PTPRM: variants seen among roughly 807,000 people sequenced by gnomAD.
The protein encoded by PTPRM is protein tyrosine phosphatase receptor type M, also known as receptor-type tyrosine-protein phosphatase mu.
Under a neutral mutation model 186.7 loss-of-function variants are expected in PTPRM, and 47 were observed. That is an observed-to-expected ratio of 0.25 (90% confidence interval 0.20 to 0.32). The LOEUF (loss-of-function observed/expected upper bound fraction) is 0.32. Among genes scored for constraint, PTPRM ranks in the 10% least tolerant of loss-of-function variants. PTPRM has a pLI of 1.00. For missense variants in PTPRM, 1,494 were observed against 1,865.0 expected (o/e 0.80, Z 3.66); for synonymous variants, 668 against 674.9 (o/e 0.99, Z 0.16).
intron 2 of PTPRM, among the ~76,000 whole-genome samples, chr18:7,862,728 A>G (rs1052296274): frequency 1.3e-5 from 2 of 152,224 alleles, no homozygotes; most frequent in African/African-American, 4.8e-5. Flanking sequence ...GCAGTTGCTC[A>G]ATAAATGTAA....
At chr18:7,607,474 C>T (rs2037561773) in intron 1 of PTPRM, among the ~76,000 whole-genome samples, 2 of 152,122 alleles carry the variant, frequency 1.3e-5, no homozygotes, top group African/African-American at 2.4e-5. Context: ...CTGGAGCTTG[C>T]ACTCGGGAGC....
rs928123448 is a variant in PTPRM at position 7,832,886 on chromosome 18, C to T, written c.197-55220C>T. 5.3e-5 allele frequency among the ~76,000 whole-genome samples: 8 copies of T among 152,150 alleles called. No individual in the cohort carries two copies. The East Asian group carries it at 1.5e-3, about 29-fold the overall frequency. Reference sequence around the variant, plus strand: ...TTTATTGAAGAGATTGTCTTTTACCCATTATATGTTCTTGGCACCTTTGTC... The same window carrying T: ...TTTATTGAAGAGATTGTCTTTTACCTATTATATGTTCTTGGCACCTTTGTC... On this transcript the variant is annotated intron_variant, in intron 2 of 32. Transcript: ENST00000580170.
chr18:8,214,235 C>T (rs372698157), intron 14 of PTPRM, among the ~76,000 whole-genome samples: 3 of 152,142 alleles, frequency 2.0e-5, no homozygotes, highest in African/African-American at 7.2e-5. Flanking sequence ...CCACTTGTTC[C>T]CCTAAAGCTA....
chr18:7,755,340 G>A (rs1159479777), intron 1 of PTPRM: 1 of 152,200 alleles, frequency 6.6e-6, no homozygotes, highest in East Asian at 1.9e-4. Flanking sequence ...CCAGGAGTTG[G>A]ATACTGTGAT....
intron 7 of PTPRM, among the ~76,000 whole-genome samples, chr18:8,037,883 C>G (rs956287993): frequency 6.6e-6 from 1 of 152,098 alleles, no homozygotes; most frequent in Non-Finnish European, 1.5e-5. Flanking sequence ...ATGTTAGCTC[C>G]TGATCAGTGA....
Position 7,926,657 on chromosome 18 carries a change from G to T in PTPRM, c.637G>T (p.Val213Leu), listed in dbSNP as rs762508034. The change falls in exon 5 of 33, where the codon GTG becomes TTG. Residue 213 changes from valine (V) to leucine (L), a missense_variant. This residue lies in a region of PTPRM where 296 missense variants were observed against 345.5 expected (regional missense o/e 0.86). Transcript: ENST00000580170. Reference protein sequence around the residue: ...TFQCSAIGRTVAGDRLWLQGI... With the variant: ...TFQCSAIGRTLAGDRLWLQGI... ...CCAGTGCAGTGCCATCGGCAGGACC[G>T]TGGCAGGAGACAGGCTCTGGTTACA... is the stretch of plus-strand genomic sequence containing the variant. The T allele has an allele frequency of 5.6e-6, 9 of 1,612,626 alleles. No individual in the cohort carries two copies. The highest frequency in any genetic ancestry group is 5.3e-5 in the African/African-American group (4 of 74,854).
intron 7 of PTPRM, among the ~76,000 whole-genome samples, chr18:7,958,714 C>T (rs2053477390): frequency 1.3e-5 from 2 of 152,102 alleles, no homozygotes; most frequent in Non-Finnish European, 2.9e-5. Context: ...TCATCCTTGT[C>T]TAAATACTCC....
intron 1 of PTPRM, among the ~76,000 whole-genome samples, chr18:7,772,207 T>A (rs919849463): frequency 6.6e-6 from 1 of 151,882 alleles, no homozygotes; most frequent in South Asian, 2.1e-4. Flanking sequence ...ACAGCTCTTT[T>A]CAAATAATCA....
chr18:8,254,287 T>C (rs1473915825), intron 19 of PTPRM, among the ~76,000 whole-genome samples: 1 of 152,224 alleles, frequency 6.6e-6, no homozygotes, highest in Middle Eastern at 3.2e-3. Context: ...TTTCACACCC[T>C]GTGCCATTAG....
chr18:7,607,379 G>T (rs2143812246), intron 1 of PTPRM, among the ~76,000 whole-genome samples: 1 of 152,084 alleles, frequency 6.6e-6, no homozygotes, highest in East Asian at 1.9e-4. Flanking sequence ...GATGTGCTGG[G>T]GTGTGCCGAG....
At chr18:8,237,354 A>T (rs1444303622) in intron 14 of PTPRM, among the ~76,000 whole-genome samples, 2 of 148,508 alleles carry the variant, frequency 1.3e-5, no homozygotes, top group Non-Finnish European at 3.0e-5. Context: ...CAAGTTTCTG[A>T]TCTATCATTT....
At chr18:7,934,989 C>T (rs1307421265) in intron 5 of PTPRM, among the ~76,000 whole-genome samples, 1 of 151,960 alleles carries the variant, frequency 6.6e-6, no homozygotes, top group African/African-American at 2.4e-5. Context: ...TGGATATATG[C>T]TTTTGGTCAA....
At chr18:8,210,728 AAAC>A (rs1288622031) in intron 14 of PTPRM, among the ~76,000 whole-genome samples, 2 of 152,328 alleles carry the variant, frequency 1.3e-5, no homozygotes, top group East Asian at 1.9e-4. Context: ...ATGATATTTA[AAAC>A]AACGAGACTG....
intron 14 of PTPRM, among the ~76,000 whole-genome samples, chr18:8,184,277 T>G (rs921869819): frequency 6.6e-6 from 1 of 152,200 alleles, no homozygotes; most frequent in African/African-American, 2.4e-5. Context: ...CAAGTTTATT[T>G]CATCTTCTCT....
chr18:8,348,587 AT>A (rs930816349), intron 23 of PTPRM, among the ~76,000 whole-genome samples: 2 of 152,204 alleles, frequency 1.3e-5, no homozygotes, highest in African/African-American at 2.4e-5. Context: ...CCTGAGGGAC[AT>A]TTAGTTTCTT....
At chr18:7,714,243 T>G (rs914391059) in intron 1 of PTPRM, among the ~76,000 whole-genome samples, 1 of 152,154 alleles carries the variant, frequency 6.6e-6, no homozygotes, top group South Asian at 2.1e-4. Flanking sequence ...ACATGGAAAC[T>G]GAACAATCTC....
At chr18:7,709,393 G>C (rs1218152798) in intron 1 of PTPRM, among the ~76,000 whole-genome samples, 3 of 151,576 alleles carry the variant, frequency 2.0e-5, no homozygotes, top group Non-Finnish European at 4.4e-5. Flanking sequence ...AAAACCTCTG[G>C]GATACAGCAA....
At chr18:7,661,309 C>G (rs1483675427) in intron 1 of PTPRM, among the ~76,000 whole-genome samples, 1 of 152,156 alleles carries the variant, frequency 6.6e-6, no homozygotes, top group Non-Finnish European at 1.5e-5. Flanking sequence ...TTCTGAATTC[C>G]ACTAAGAAGA....
At chr18:7,817,995 TC>T (rs1301826879) in intron 2 of PTPRM, among the ~76,000 whole-genome samples, 6 of 152,318 alleles carry the variant, frequency 3.9e-5, no homozygotes, top group Admixed American at 2.6e-4. Flanking sequence ...GTGGTGTCTG[TC>T]CTTAACCTCA....
Sources: allele counts gnomAD v4.1 joint callset (sites outside exome capture counted in the v4.1 genomes callset), GRCh38; gene constraint gnomAD v4.1.1; regional missense constraint gnomAD v4.1.1; transcripts MANE v1.5; gene names NCBI Gene and HGNC (gene_info 2026-07-23, HGNC 2026-07-21).